The following CDKL3 variants were observed in gnomAD, a reference collection of about 807,000 sequenced individuals.
CDKL3 encodes the protein cyclin-dependent kinase-like 3.
In CDKL3, 65 loss-of-function variants were observed where a neutral mutation model predicts 69.3. The observed-to-expected ratio is 0.94, with a 90% confidence interval of 0.77 to 1.15. The LOEUF is 1.15. Among genes scored for constraint, CDKL3 ranks in the 50% most tolerant of loss-of-function variants. The pLI, the probability that CDKL3 is intolerant of heterozygous loss-of-function variation, is 0.00. For synonymous variants in CDKL3, 202 were observed against 221.6 expected (o/e 0.91, Z 0.79); for missense variants, 652 against 689.2 (o/e 0.95, Z 0.61).
At chr5:134,365,508 A>G (rs1757199364) in intron 2 of CDKL3, among the ~76,000 whole-genome samples, 1 of 152,220 alleles carries the variant, frequency 6.6e-6, no homozygotes, top group Non-Finnish European at 1.5e-5. Flanking sequence ...GGGTCCTCAG[A>G]CATTTTCCAA....
At chr5:134,324,488 C>T (rs141948618) in intron 4 of CDKL3, among the ~76,000 whole-genome samples, 273 of 152,058 alleles carry the variant, frequency 1.8e-3, no homozygotes, top group African/African-American at 6.3e-3. Flanking sequence ...GTGGTACATA[C>T]ATACAATGGA....
intron 1 of CDKL3, 89 bp downstream of exon 1, chr5:134,366,888 T>C (rs775580447): frequency 1.5e-5 from 15 of 1,002,462 alleles, no homozygotes; most frequent in African/African-American, 1.7e-5. Context: ...GTTCCCGCAC[T>C]ACTGCAGTCG....
At position 134,301,407 on chromosome 5, in the gene CDKL3, T is replaced by C. The variant is rs181842262; in HGVS notation, c.1719+1183A>G. 4.4e-3 allele frequency among the ~76,000 whole-genome samples: 672 copies of C among 152,308 alleles called. 5 individuals are homozygous for C. The highest frequency in any genetic ancestry group is 6.9e-3 in the Non-Finnish European group (468 of 68,018). On this transcript the variant is annotated intron_variant, in intron 12 of 12. Coordinates refer to ENST00000265334, the MANE Select transcript of CDKL3 (RefSeq NM_001113575.2). ...ATAGCCCTAAATGTCACAGTGAGAA[T>C]ACATCTAATAGTGTCTGATAACCCT...
chr5:134,367,368 C>CTT (rs57811547), upstream of CDKL3: 442 of 779,608 alleles, frequency 5.7e-4, 1 homozygote, highest in African/African-American at 2.5e-3. Flanking sequence ...GGATCTGCAT[C>CTT]TTTTTTTTTT....
chr5:134,354,774 C>T (rs991366975), intron 3 of CDKL3, among the ~76,000 whole-genome samples: 4 of 152,010 alleles, frequency 2.6e-5, no homozygotes, highest in African/African-American at 9.7e-5. Context: ...TGGTGAAACC[C>T]CGTCTCTACT....
downstream of CDKL3, among the ~76,000 whole-genome samples, chr5:134,297,096 C>T (rs181003950): frequency 2.0e-5 from 3 of 151,826 alleles, no homozygotes; most frequent in South Asian, 2.1e-4. Context: ...GGATTACAGG[C>T]GTGCACCACC....
chr5:134,288,486 A>G (rs1764977761), intron 8 of CDKL3, among the ~76,000 whole-genome samples: 1 of 152,158 alleles, frequency 6.6e-6, no homozygotes, highest in Admixed American at 6.6e-5. Flanking sequence ...AGAACAGATA[A>G]CTCATGCCAA....
At chr5:134,284,132 C>G (rs1302382033), downstream of CDKL3, among the ~76,000 whole-genome samples, 1 of 152,154 alleles carries the variant, frequency 6.6e-6, no homozygotes, top group African/African-American at 2.4e-5. Context: ...CTTTTCCAGG[C>G]ACACAGTGCA....
At chr5:134,342,936 G>A (rs1430664364) in intron 4 of CDKL3, among the ~76,000 whole-genome samples, 3 of 152,202 alleles carry the variant, frequency 2.0e-5, no homozygotes, top group African/African-American at 4.8e-5. Context: ...TGCGTGCGGT[G>A]GCTCCTGCCC....
intron 6 of CDKL3, among the ~76,000 whole-genome samples, chr5:134,313,949 C>T (rs1770287324): frequency 6.6e-6 from 1 of 151,666 alleles, no homozygotes; most frequent in African/African-American, 2.4e-5. Context: ...ACCAGCCTGA[C>T]CAACATGGAG....
At chr5:134,359,008 C>T (rs954844386) in intron 3 of CDKL3, among the ~76,000 whole-genome samples, 1 of 151,968 alleles carries the variant, frequency 6.6e-6, no homozygotes, top group African/African-American at 2.4e-5. Flanking sequence ...AAATCTGTGC[C>T]AGGTGCAGTA....
chr5:134,362,565 C>G (rs1222894846), intron 2 of CDKL3, among the ~76,000 whole-genome samples: 1 of 151,920 alleles, frequency 6.6e-6, no homozygotes, highest in Non-Finnish European at 1.5e-5. Context: ...GTTTTTTAGA[C>G]TAAGAATATT....
intron 2 of CDKL3, among the ~76,000 whole-genome samples, chr5:134,361,776 C>T (rs1756074023): frequency 6.6e-6 from 1 of 152,132 alleles, no homozygotes; most frequent in East Asian, 1.9e-4. Flanking sequence ...TGGTGGTGGG[C>T]ACCTGTAATC....
intron 6 of CDKL3, among the ~76,000 whole-genome samples, chr5:134,314,895 T>G (rs981448604): frequency 5.3e-5 from 8 of 152,140 alleles, no homozygotes; most frequent in African/African-American, 1.9e-4. Flanking sequence ...TGTGTGTGTG[T>G]TAGGTATCCT....
intron 2 of CDKL3, among the ~76,000 whole-genome samples, chr5:134,364,198 C>T (rs1328242001): frequency 6.6e-6 from 1 of 151,998 alleles, no homozygotes; most frequent in Non-Finnish European, 1.5e-5. Context: ...TAATTTTCTA[C>T]CCCAACCCTA....
At chr5:134,318,819 T>G (rs941831123) in intron 6 of CDKL3, among the ~76,000 whole-genome samples, 1 of 151,998 alleles carries the variant, frequency 6.6e-6, no homozygotes, top group Non-Finnish European at 1.5e-5. Flanking sequence ...ATCATTAAAA[T>G]AGAGATAAAT....
intron 12 of CDKL3, chr5:134,299,316 CT>C: frequency 4.7e-6 from 1 of 213,656 alleles, no homozygotes; most frequent in Admixed American, 5.5e-5. Flanking sequence ...CAGGATCTTA[CT>C]TTATCACATA....
At chr5:134,366,028 T>C (rs757174849) in intron 2 of CDKL3, among the ~76,000 whole-genome samples, 17 of 152,262 alleles carry the variant, frequency 1.1e-4, no homozygotes, top group Admixed American at 2.0e-4. Flanking sequence ...GATTAAATTA[T>C]AGAAGTCTTT....
At chr5:134,309,681 C>A (rs1768865051) in intron 7 of CDKL3, among the ~76,000 whole-genome samples, 1 of 152,144 alleles carries the variant, frequency 6.6e-6, no homozygotes, top group African/African-American at 2.4e-5. Context: ...TGAATGAATT[C>A]TTCCCTAGTC....
Sources: gnomAD v4.1 joint callset for allele counts (sites outside exome capture counted in the v4.1 genomes callset) on GRCh38, gnomAD v4.1.1 for gene constraint, MANE v1.5 for transcripts, NCBI Gene and HGNC (gene_info 2026-07-23, HGNC 2026-07-21) for gene names.